CDR2: variants seen among roughly 807,000 people sequenced by gnomAD.
CDR2 encodes the protein cerebellar degeneration-related protein 2.
In CDR2, 34 loss-of-function variants were observed where a neutral mutation model predicts 48.4. That is an observed-to-expected ratio of 0.70 (90% CI 0.53 to 0.94). The LOEUF is 0.94. Ranked by LOEUF, CDR2 falls within the 40% of genes least tolerant of loss-of-function variation. The probability of loss-of-function intolerance (pLI) is 0.00; values close to 1 mark genes in which losing one functional copy is unlikely to be tolerated. For missense variants in CDR2, 498 were observed against 549.5 expected, an observed-to-expected ratio of 0.91 and a Z score of 0.94; for synonymous variants, 240 against 219.7, an observed-to-expected ratio of 1.09 and a Z score of -0.82.
chr16:22,372,678 T>C (rs1263060916), intron 1 of CDR2, among the ~76,000 whole-genome samples: 1 of 152,190 alleles, frequency 6.6e-6, no homozygotes, highest in African/African-American at 2.4e-5. Context: ...TATAATAAAT[T>C]TGTCTCTTGG....
chr16:22,346,881 G>A lies in CDR2; in HGVS notation c.*84C>T. The A allele has an allele frequency of 7.1e-7, 1 of 1,411,432 alleles. No homozygotes were observed. The highest frequency in any genetic ancestry group is 9.7e-7 in the Non-Finnish European group (1 of 1,025,996). The allele number at this position is 1,411,432 out of a possible 1,614,324, so 87.4% of individuals were successfully genotyped here. A position where few individuals can be genotyped will look rare whatever the true frequency, so the allele number is the denominator to read the frequency against. On this transcript the variant is annotated 3_prime_UTR_variant, in exon 5 of 5. Coordinates refer to ENST00000268383, the MANE Select transcript of CDR2 (RefSeq NM_001802.2). ...AGGCAAACGTCATGAGTAACATTAG[G>A]CTTCAGAGTCTACAAACACTTGTCT...
intron 1 of CDR2, among the ~76,000 whole-genome samples, chr16:22,372,734 G>A (rs1370867751): frequency 2.6e-5 from 4 of 152,170 alleles, no homozygotes; most frequent in Non-Finnish European, 4.4e-5. Context: ...CCACTAAGTA[G>A]CTTGGACTCT....
intron 4 of CDR2, 93 bp from the exon 5 acceptor site, chr16:22,347,916 G>C: frequency 8.0e-7 from 1 of 1,243,940 alleles, no homozygotes; most frequent in Non-Finnish European, 1.1e-6. Context: ...AAATAAATTT[G>C]AGGAGCTGTG....
At chr16:22,358,956 G>C (rs760859451) in intron 2 of CDR2, among the ~76,000 whole-genome samples, 1 of 152,122 alleles carries the variant, frequency 6.6e-6, no homozygotes, top group Non-Finnish European at 1.5e-5. Context: ...AGCTAGAAAA[G>C]ATACGCAATA....
chr16:22,355,942 T>C (rs1598292745), intron 2 of CDR2, among the ~76,000 whole-genome samples: 1 of 152,312 alleles, frequency 6.6e-6, no homozygotes, highest in South Asian at 2.1e-4. Flanking sequence ...TTTTTTCTTT[T>C]GACAGAGGCA....
intron 2 of CDR2, among the ~76,000 whole-genome samples, chr16:22,364,464 G>A (rs553413179): frequency 1.8e-4 from 27 of 152,154 alleles, no homozygotes; most frequent in Non-Finnish European, 2.2e-4. Context: ...TTCCCTCTCC[G>A]GTGGGAAGTT....
chr16:22,356,712 C>G (rs2048976253), intron 2 of CDR2, among the ~76,000 whole-genome samples: 1 of 151,998 alleles, frequency 6.6e-6, no homozygotes, highest in Non-Finnish European at 1.5e-5. Context: ...GAGATCACGC[C>G]ACTGCACTCC....
intron 2 of CDR2, among the ~76,000 whole-genome samples, chr16:22,352,873 A>T (rs1217831291): frequency 1.3e-5 from 2 of 152,106 alleles, no homozygotes; most frequent in Non-Finnish European, 2.9e-5. Context: ...TTGGAAATCA[A>T]CCACTAATTC....
Position 22,363,648 on chromosome 16 carries a change from T to C in CDR2, c.192+1254A>G, listed in dbSNP as rs1041075624. Among the ~76,000 whole-genome samples, 3 of 152,214 alleles carry C rather than the reference T, an allele frequency of 2.0e-5. No individual in the cohort carries two copies. The East Asian group carries it at 5.8e-4, about 29-fold the overall frequency. On this transcript the variant is annotated intron_variant, in intron 2 of 4. Coordinates refer to ENST00000268383, the MANE Select transcript of CDR2 (RefSeq NM_001802.2). ...ACTGTTCTAGAGTCTTTTACATTTT[T>C]CTGTGCACAGACACAAAAGTCCTGG...
At chr16:22,354,352 G>A (rs777740448) in intron 2 of CDR2, among the ~76,000 whole-genome samples, 3 of 152,104 alleles carry the variant, frequency 2.0e-5, no homozygotes, top group East Asian at 3.9e-4. Flanking sequence ...AATGCTCACC[G>A]TCTCCCTGCA....
chr16:22,371,848 A>ATGTG (rs56274013), intron 1 of CDR2, among the ~76,000 whole-genome samples: 130 of 148,552 alleles, frequency 8.8e-4, no homozygotes, highest in African/African-American at 2.8e-3. Flanking sequence ...AGGTTCAGAT[A>ATGTG]TGTGTGTGTG....
chr16:22,362,346 T>C (rs1251813305), intron 2 of CDR2, among the ~76,000 whole-genome samples: 1 of 152,240 alleles, frequency 6.6e-6, no homozygotes, highest in Non-Finnish European at 1.5e-5. Flanking sequence ...ACTTTCAGAA[T>C]ACCAATGATC....
At chr16:22,371,428 T>C (rs944130758) in intron 1 of CDR2, among the ~76,000 whole-genome samples, 1 of 152,218 alleles carries the variant, frequency 6.6e-6, no homozygotes, top group East Asian at 1.9e-4. Flanking sequence ...GCACATCCCA[T>C]GAGGCGGCAC....
At chr16:22,348,924 CTTCT>C (rs985758297) in intron 4 of CDR2, among the ~76,000 whole-genome samples, 2 of 152,164 alleles carry the variant, frequency 1.3e-5, no homozygotes, top group African/African-American at 4.8e-5. Context: ...TATAAAGGTA[CTTCT>C]TTAAGCAAAA....
intron 2 of CDR2, among the ~76,000 whole-genome samples, chr16:22,352,223 G>A (rs1223553245): frequency 6.6e-6 from 1 of 152,172 alleles, no homozygotes; most frequent in Non-Finnish European, 1.5e-5. Flanking sequence ...CTGCACTACA[G>A]CCTGGGTGAC....
chr16:22,368,174 G>C (rs569268743), intron 1 of CDR2, among the ~76,000 whole-genome samples: 219 of 152,210 alleles, frequency 1.4e-3, no homozygotes, highest in African/African-American at 4.7e-3. Context: ...ATAGCTCAAA[G>C]CATTTAAGAG....
At chr16:22,361,782 T>C (rs1309532247) in intron 2 of CDR2, among the ~76,000 whole-genome samples, 1 of 152,132 alleles carries the variant, frequency 6.6e-6, no homozygotes, top group Admixed American at 6.5e-5. Flanking sequence ...CATTGTGCAA[T>C]GCTCAGATCT....
intron 2 of CDR2, among the ~76,000 whole-genome samples, chr16:22,361,845 C>T (rs760699871): frequency 6.6e-6 from 1 of 151,834 alleles, no homozygotes; most frequent in Non-Finnish European, 1.5e-5. Flanking sequence ...AATATGTTTC[C>T]CGAAATATTC....
Position 22,374,384 on chromosome 16 carries a change from C to T in CDR2, c.-75G>A. On this transcript the variant is annotated 5_prime_UTR_variant, in exon 1 of 5. Transcript: ENST00000268383. ...GCCGCTGCCCCGGGCTCTTCCCCGG[C>T]CCCTCCGCCCTCAGCCAGAGCCGCC... The T allele has an allele frequency of 1.0e-6, 1 of 995,474 alleles. No homozygotes were observed. Among genetic ancestry groups the T allele is most frequent in the South Asian group, 1.5e-5 (1 of 64,588 alleles). 61.7% of individuals were successfully genotyped at this position (995,474 alleles called of 1,614,324 possible).
Sources: gnomAD v4.1 joint callset for allele counts (sites outside exome capture counted in the v4.1 genomes callset) on GRCh38, gnomAD v4.1.1 for gene constraint, MANE v1.5 for transcripts, NCBI Gene and HGNC (gene_info 2026-07-23, HGNC 2026-07-21) for gene names.